OR51B5: variants seen among roughly 807,000 people sequenced by gnomAD.
The protein encoded by OR51B5 is olfactory receptor family 51 subfamily B member 5.
For synonymous variants in OR51B5, 186 were observed against 144.8 expected, an observed-to-expected ratio of 1.28 and a Z score of -2.04; for missense variants, 456 against 374.6, an observed-to-expected ratio of 1.22 and a Z score of -1.79.
At chr11:5,468,020 G>A (rs748703165) in intron 1 of OR51B5, among the ~76,000 whole-genome samples, 3 of 152,132 alleles carry the variant, frequency 2.0e-5, no homozygotes, top group Non-Finnish European at 4.4e-5. Context: ...ATTTATTTCA[G>A]AAGTGTAAAC....
At chr11:5,350,149 C>T (rs1849055789) in intron 1 of OR51B5, among the ~76,000 whole-genome samples, 1 of 152,164 alleles carries the variant, frequency 6.6e-6, no homozygotes, top group South Asian at 2.1e-4. Flanking sequence ...CCACTCTTTA[C>T]AAAACATTTC....
intron 1 of OR51B5, among the ~76,000 whole-genome samples, chr11:5,432,534 A>G (rs1422784953): frequency 6.6e-6 from 1 of 152,226 alleles, no homozygotes; most frequent in Non-Finnish European, 1.5e-5. Context: ...TCACATATTC[A>G]GTATTTTGAA....
intron 1 of OR51B5, among the ~76,000 whole-genome samples, chr11:5,410,260 T>C (rs1404447314): frequency 4.6e-5 from 7 of 152,110 alleles, no homozygotes; most frequent in East Asian, 3.9e-4. Flanking sequence ...TCATGTTGTA[T>C]TGGGGTTTAA....
At chr11:5,382,110 A>T (rs1849617030) in intron 1 of OR51B5, among the ~76,000 whole-genome samples, 1 of 152,208 alleles carries the variant, frequency 6.6e-6, no homozygotes, top group Non-Finnish European at 1.5e-5. Context: ...AATGTGTACC[A>T]TGTTTGACAT....
At chr11:5,359,022 C>T (rs1361092791) in intron 1 of OR51B5, among the ~76,000 whole-genome samples, 1 of 152,058 alleles carries the variant, frequency 6.6e-6, no homozygotes, top group Non-Finnish European at 1.5e-5. Context: ...CTATGACAAA[C>T]CCACAGCCAA....
chr11:5,481,120 G>A (rs1343728750), intron 1 of OR51B5, among the ~76,000 whole-genome samples: 1 of 60,526 alleles, frequency 1.7e-5, no homozygotes, highest in Non-Finnish European at 3.7e-5. Flanking sequence ...TAAAATACTG[G>A]CAAAACGAAT....
At chr11:5,452,628 G>A (rs116385531) in intron 1 of OR51B5, among the ~76,000 whole-genome samples, 9 of 148,012 alleles carry the variant, frequency 6.1e-5, no homozygotes, top group Admixed American at 1.4e-4. Flanking sequence ...GTGAATGAGC[G>A]TCTTCTTAGA....
At position 5,478,054 on chromosome 11, in the gene OR51B5, G is replaced by T. The variant is rs1400939078; in HGVS notation, n.84+27515C>A. Among the ~76,000 whole-genome samples the T allele has an allele frequency of 2.6e-5, 4 of 151,916 alleles. No individual in the cohort carries two copies. The East Asian group carries it at 7.8e-4, about 29-fold the overall frequency. ...TGCCTCTGTAGGCTCCACCTCTGGG[G>T]GCAGGGCACAGACAAACAAAAAGAC... On this transcript the variant is annotated intron_variant and non_coding_transcript_variant, in intron 1 of 4. Coordinates refer to the OR51B5 transcript ENST00000415970.
intron 1 of OR51B5, among the ~76,000 whole-genome samples, chr11:5,444,707 G>A (rs1439669288): frequency 1.3e-5 from 2 of 152,152 alleles, no homozygotes; most frequent in African/African-American, 4.8e-5. Flanking sequence ...AAATTTATGA[G>A]CCCTCCAGAA....
chr11:5,431,160 C>T, intron 1 of OR51B5: 2 of 377,464 alleles, frequency 5.3e-6, no homozygotes, highest in Non-Finnish European at 1.1e-5. Context: ...GTGTAATGCC[C>T]AGACCCATGC....
chr11:5,473,219 A>G (rs1590017269), intron 1 of OR51B5, among the ~76,000 whole-genome samples: 2 of 152,136 alleles, frequency 1.3e-5, no homozygotes, highest in African/African-American at 2.4e-5. Context: ...TATATGCCAG[A>G]AAAAAAATCT....
intron 1 of OR51B5, among the ~76,000 whole-genome samples, chr11:5,495,207 T>A (rs1290678936): frequency 6.6e-6 from 1 of 152,066 alleles, no homozygotes; most frequent in Admixed American, 6.6e-5. Context: ...ATACAAGAAA[T>A]GCTGAAAACA....
intron 1 of OR51B5, among the ~76,000 whole-genome samples, chr11:5,376,463 A>G (rs538289301): frequency 5.9e-5 from 9 of 152,226 alleles, no homozygotes; most frequent in Non-Finnish European, 8.8e-5. Flanking sequence ...AACTAAAATC[A>G]GAGCAGAACT....
intron 1 of OR51B5, among the ~76,000 whole-genome samples, chr11:5,379,922 C>G (rs1042282853): frequency 6.6e-6 from 1 of 151,858 alleles, no homozygotes; most frequent in African/African-American, 2.4e-5. Context: ...AGCATGAGAC[C>G]TTTATCAGAT....
intron 1 of OR51B5, among the ~76,000 whole-genome samples, chr11:5,350,758 T>C (rs554629484): frequency 6.6e-6 from 1 of 152,146 alleles, no homozygotes; most frequent in Non-Finnish European, 1.5e-5. Flanking sequence ...TTATGAAAAT[T>C]TGAATTCTTT....
intron 1 of OR51B5, among the ~76,000 whole-genome samples, chr11:5,364,386 AGTT>A (rs1849334856): frequency 2.0e-5 from 3 of 152,152 alleles, no homozygotes; most frequent in Non-Finnish European, 4.4e-5. Context: ...GCTATGATGC[AGTT>A]TAGGAGCTAT....
At chr11:5,345,257 G>GTGAAGAAGA (rs1848973542), upstream of OR51B5, among the ~76,000 whole-genome samples, 1 of 152,134 alleles carries the variant, frequency 6.6e-6, no homozygotes, top group Non-Finnish European at 1.5e-5. Context: ...AGACTGCTAT[G>GTGAAGAAGA]TGAAGAAGAC....
chr11:5,342,776 T>TA lies in OR51B5; in HGVS notation c.748dup (p.Tyr250LeufsTer42), dbSNP rs1564911707. On this transcript the variant is annotated frameshift_variant, in exon 1 of 1. Transcript: ENST00000300773. LOFTEE classifies it low-confidence loss of function (END_TRUNC). ...CAGAGACAATCCAATCACTGTGACA[T>TA]AAAAAACCAGGACACAGCAGATATG... 1.9e-6 allele frequency: 3 copies of TA among 1,613,414 alleles called. No individual in the cohort carries two copies. Among genetic ancestry groups the TA allele is most frequent in the Non-Finnish European group, 2.5e-6 (3 of 1,179,792 alleles).
At chr11:5,358,025 C>T (rs1369871603) in intron 1 of OR51B5, among the ~76,000 whole-genome samples, 2 of 151,656 alleles carry the variant, frequency 1.3e-5, no homozygotes, top group East Asian at 1.9e-4. Context: ...ACTAAACGCC[C>T]AGAAGAGAAA....
Sources: gnomAD v4.1 joint callset for allele counts (sites outside exome capture counted in the v4.1 genomes callset) on GRCh38, gnomAD v4.1.1 for gene constraint, MANE v1.5 for transcripts, NCBI Gene and HGNC (gene_info 2026-07-23, HGNC 2026-07-21) for gene names.